The following SLC9B1 variants were observed in gnomAD, a reference collection of about 807,000 sequenced individuals.
SLC9B1 encodes the protein solute carrier family 9 member B1, also known as sodium/hydrogen exchanger 9B1.
A neutral mutation model predicts 51.7 loss-of-function variants in SLC9B1; 32 were observed. The observed-to-expected ratio is 0.62, with a 90% CI of 0.47 to 0.83. The LOEUF (loss-of-function observed/expected upper bound fraction) is 0.83, where lower values mean the gene tolerates loss of function less well. Ranked by LOEUF, SLC9B1 falls within the 40% of genes least tolerant of loss-of-function variation. The probability of loss-of-function intolerance (pLI) is 0.00; values close to 1 mark genes in which losing one functional copy is unlikely to be tolerated. For missense variants in SLC9B1, 406 were observed against 613.2 expected, an observed-to-expected ratio of 0.66 and a Z score of 3.57; for synonymous variants, 145 against 212.7, an observed-to-expected ratio of 0.68 and a Z score of 2.77.
intron 3 of SLC9B1, among the ~76,000 whole-genome samples, chr4:102,969,997 C>A (rs1165794259): frequency 1.3e-5 from 2 of 151,938 alleles, no homozygotes; most frequent in Non-Finnish European, 2.9e-5. Flanking sequence ...GTGAAAAGAC[C>A]AAATCTAAGT....
At chr4:102,978,608 G>A (rs1030697842) in intron 3 of SLC9B1, among the ~76,000 whole-genome samples, 16 of 152,054 alleles carry the variant, frequency 1.1e-4, no homozygotes, top group African/African-American at 3.6e-4. Flanking sequence ...TCGAAACCAC[G>A]ATGAGATACC....
intron 11 of SLC9B1, among the ~76,000 whole-genome samples, chr4:102,893,024 A>G (rs1734327490): frequency 6.6e-6 from 1 of 152,058 alleles, no homozygotes; most frequent in South Asian, 2.1e-4. Flanking sequence ...CACACCTGTA[A>G]TTAATTCCAG....
chr4:102,943,168 A>AT, intron 6 of SLC9B1, among the ~76,000 whole-genome samples: 2 of 150,372 alleles, frequency 1.3e-5, no homozygotes, highest in East Asian at 3.9e-4. Flanking sequence ...CAAAAAAATA[A>AT]AAAAAAAAAA....
intron 11 of SLC9B1, among the ~76,000 whole-genome samples, chr4:102,902,551 C>G (rs1014550752): frequency 6.6e-6 from 1 of 151,974 alleles, no homozygotes; most frequent in Non-Finnish European, 1.5e-5. Context: ...AAAAACCAAA[C>G]CCATTGACTT....
At chr4:103,019,220 G>C (rs1292845974) in intron 1 of SLC9B1, among the ~76,000 whole-genome samples, 2 of 152,098 alleles carry the variant, frequency 1.3e-5, no homozygotes, top group Admixed American at 6.6e-5. Context: ...CCAGTCGCAG[G>C]AGCATGTATG....
chr4:102,967,120 T>A (rs1410330728), intron 3 of SLC9B1, among the ~76,000 whole-genome samples: 1 of 152,272 alleles, frequency 6.6e-6, no homozygotes, highest in Non-Finnish European at 1.5e-5. Context: ...TGGCCTTTGC[T>A]GTCCATATTT....
chr4:102,885,946 G>A (rs1243243779), intron 11 of SLC9B1, among the ~76,000 whole-genome samples: 2 of 152,072 alleles, frequency 1.3e-5, no homozygotes, highest in Non-Finnish European at 2.9e-5. Flanking sequence ...TTTTAATGTG[G>A]GAAGGAGTTT....
intron 2 of SLC9B1, among the ~76,000 whole-genome samples, 193 bp from the exon 3 acceptor site, chr4:102,990,134 C>T (rs2110518094): frequency 1.3e-5 from 2 of 151,998 alleles, no homozygotes; most frequent in Middle Eastern, 6.8e-3. Flanking sequence ...TGCAAGGTAC[C>T]TTGATTGAAC....
rs58316456 is a variant in SLC9B1 at position 102,893,281 on chromosome 4, CAAAAAAAAA to C, written c.1333-7962_1333-7954del. 1.2e-3 allele frequency among the ~76,000 whole-genome samples: 43 copies of C among 35,168 alleles called. 1 individual carries two copies. Among genetic ancestry groups the C allele is most frequent in the South Asian group, 3.7e-3 (2 of 542 alleles). 23.1% of individuals were successfully genotyped at this position (35,168 alleles called of 152,430 possible). The stretch of plus-strand genomic sequence containing the variant: ...TGGGCCACAGAGCAAGACTCCATCT[CAAAAAAAAA>C]AAAAAAAAAAAAAAAGAAAAAGAAA... On this transcript the variant is annotated intron_variant, in intron 11 of 11. Transcript: ENST00000394789.
At chr4:102,926,870 C>G (rs1736209208) in intron 7 of SLC9B1, among the ~76,000 whole-genome samples, 1 of 152,138 alleles carries the variant, frequency 6.6e-6, no homozygotes, top group East Asian at 1.9e-4. Context: ...CTGCACTAAC[C>G]AAAACAGCAT....
intron 3 of SLC9B1, among the ~76,000 whole-genome samples, chr4:102,969,529 G>A (rs534525399): frequency 1.3e-5 from 2 of 152,218 alleles, no homozygotes; most frequent in African/African-American, 2.4e-5. Flanking sequence ...AAAGATGGGG[G>A]GAAACAAGAG....
At chr4:102,977,572 G>T (rs1739141449) in intron 3 of SLC9B1, among the ~76,000 whole-genome samples, 1 of 152,128 alleles carries the variant, frequency 6.6e-6, no homozygotes, top group African/African-American at 2.4e-5. Context: ...CTTCAGGAGA[G>T]CACCTAAACA....
intron 2 of SLC9B1, 106 bp from the exon 3 acceptor site, chr4:102,990,047 T>A (rs956823276): frequency 3.4e-6 from 3 of 880,678 alleles, no homozygotes; most frequent in Non-Finnish European, 5.1e-6. Flanking sequence ...TTACTGTCAA[T>A]GCGAGGAATC....
chr4:102,942,338 A>T (rs1436590571), intron 6 of SLC9B1, among the ~76,000 whole-genome samples: 1 of 152,166 alleles, frequency 6.6e-6, no homozygotes, highest in Non-Finnish European at 1.5e-5. Context: ...CCTAAAATTA[A>T]TGTGGAGCCC....
chr4:102,945,973 A>ACT (rs1737246534), intron 5 of SLC9B1, among the ~76,000 whole-genome samples: 1 of 152,182 alleles, frequency 6.6e-6, no homozygotes, highest in Non-Finnish European at 1.5e-5. Flanking sequence ...ATTTTACAAT[A>ACT]ATGCAAAGAT....
At chr4:102,914,515 T>C (rs1326284883) in intron 7 of SLC9B1, among the ~76,000 whole-genome samples, 1 of 152,162 alleles carries the variant, frequency 6.6e-6, no homozygotes, top group Non-Finnish European at 1.5e-5. Flanking sequence ...TTCATCCGAC[T>C]GCCAGGAATG....
chr4:102,899,083 C>T (rs1179047789), downstream of SLC9B1, among the ~76,000 whole-genome samples: 1 of 151,372 alleles, frequency 6.6e-6, no homozygotes, highest in Non-Finnish European at 1.5e-5. Flanking sequence ...ACATGGTTAA[C>T]TGGTTGTAAT....
intron 3 of SLC9B1, among the ~76,000 whole-genome samples, chr4:102,974,703 T>A (rs775134168): frequency 1.6e-4 from 25 of 152,216 alleles, no homozygotes; most frequent in Non-Finnish European, 2.4e-4. Context: ...TACTTTAATA[T>A]GAAAGTTCTA....
intron 3 of SLC9B1, among the ~76,000 whole-genome samples, chr4:102,975,216 C>T (rs958583843): frequency 7.2e-5 from 11 of 152,124 alleles, no homozygotes; most frequent in East Asian, 1.9e-4. Flanking sequence ...ACTATGTTGC[C>T]CAGGCTAGCC....
Sources: allele counts gnomAD v4.1 joint callset (sites outside exome capture counted in the v4.1 genomes callset), GRCh38; gene constraint gnomAD v4.1.1; transcripts MANE v1.5; gene names NCBI Gene and HGNC (gene_info 2026-07-23, HGNC 2026-07-21).